HELQ: variants seen among roughly 807,000 people sequenced by gnomAD.
HELQ encodes helicase, POLQ like.
A neutral mutation model predicts 111.6 loss-of-function variants in HELQ; 77 were observed. That is an observed-to-expected ratio of 0.69 (90% confidence interval 0.57 to 0.83). The LOEUF (loss-of-function observed/expected upper bound fraction) is 0.83. HELQ is among the 40% of genes least tolerant of loss of function. The probability of loss-of-function intolerance (pLI) is 0.00; values close to 1 mark genes in which losing one functional copy is unlikely to be tolerated. For missense variants in HELQ, 1,200 were observed against 1,288.5 expected, an observed-to-expected ratio of 0.93 and a Z score of 1.05; for synonymous variants, 438 against 454.7, an observed-to-expected ratio of 0.96 and a Z score of 0.47.
chr4:83,412,678 T>C lies in HELQ; in HGVS notation c.3198+4053A>G, dbSNP rs1215468437. On this transcript the variant is annotated intron_variant, in intron 17 of 17. Coordinates refer to ENST00000295488, the MANE Select transcript of HELQ (RefSeq NM_133636.5). ...TTGTCTCTATTAAAAATTAAAAACA[T>C]TAGCCAGGCGTGGCACCTGTCTCTA... Among the ~76,000 whole-genome samples the C allele has an allele frequency of 3.3e-5, 5 of 152,102 alleles. No individual in the cohort carries two copies. The East Asian group carries it at 7.7e-4, about 24-fold the overall frequency.
At chr4:83,450,315 G>A (rs373185067) in intron 2 of HELQ, among the ~76,000 whole-genome samples, 90 of 139,244 alleles carry the variant, frequency 6.5e-4, no homozygotes, top group African/African-American at 2.3e-3. Flanking sequence ...GGGAGCCTAA[G>A]GCAAGAGGAT....
chr4:83,407,539 C>T lies in HELQ; in HGVS notation c.3220G>A (p.Glu1074Lys), dbSNP rs764308748. ...SAKMLLHEKA[E>K]ALQEEVEELL... Reference sequence around the variant, plus strand: ...TCTTCTACCTCTTCTTGCAGGGCTTCTGCTTTTTCATGCAACAGCATCTAC... The same window carrying T: ...TCTTCTACCTCTTCTTGCAGGGCTTTTGCTTTTTCATGCAACAGCATCTAC... The change falls in exon 18 of 18, where the codon GAA (glutamate) becomes AAA (lysine). Residue 1074 changes from glutamate to lysine, a missense_variant. By Grantham distance (56) the Glu-to-Lys change is moderately conservative. This residue lies in a region of HELQ where 585 missense variants were observed against 665.3 expected (regional missense o/e 0.88). Coordinates refer to ENST00000295488, the MANE Select transcript of HELQ (RefSeq NM_133636.5). The T allele has an allele frequency of 1.2e-6, 2 of 1,611,540 alleles. No individual in the cohort carries two copies. Among genetic ancestry groups the T allele is most frequent in the African/African-American group, 2.7e-5 (2 of 74,846 alleles).
At position 83,416,779 on chromosome 4, in the gene HELQ, A is replaced by G. The variant is rs1415400537; in HGVS notation, c.3150T>C (p.Ile1050=). ...NANPEVLVRT[I]DHLSRRQAKQ... is the part of the protein sequence containing the mutation. ...TGGCTTGGCGTCTTGATAAATGATCAATTGTCCTTACGAGCACTTCAGGAT... is the reference window on the plus strand; with the variant it reads ...TGGCTTGGCGTCTTGATAAATGATCGATTGTCCTTACGAGCACTTCAGGAT... Residue 1050 remains isoleucine (I), a synonymous_variant, in exon 17 of 18, where the codon ATT becomes ATC. Coordinates refer to ENST00000295488, the MANE Select transcript of HELQ (RefSeq NM_133636.5). The G allele has an allele frequency of 6.2e-7, 1 of 1,613,984 alleles. No individual in the cohort carries two copies. The highest frequency in any genetic ancestry group is 1.7e-5 in the Admixed American group (1 of 59,992).
At chr4:83,444,391 A>T (rs990415528) in intron 5 of HELQ, among the ~76,000 whole-genome samples, 13 of 151,928 alleles carry the variant, frequency 8.6e-5, no homozygotes, top group African/African-American at 1.9e-4. Context: ...TTATTTATTT[A>T]TTTTTTTGAG....
rs542282707 is a variant in HELQ, at chr4:83,432,034, ATAAT to A, written c.2190+88_2190+91del. Reference sequence around the variant, plus strand: ...AGAAAGCATCATTTAAAGAAAATTAATAATTAATTTTTAAAAGATGATTTCATAA... The same window carrying A: ...AGAAAGCATCATTTAAAGAAAATTAATAATTTTTAAAAGATGATTTCATAA... On this transcript the variant is annotated intron_variant, in intron 10 of 17. Coordinates refer to ENST00000295488, the MANE Select transcript of HELQ (RefSeq NM_133636.5). 3,656 of 765,662 alleles carry A rather than the reference ATAAT, an allele frequency of 4.8e-3. 19 individuals are homozygous for A. The highest frequency in any genetic ancestry group is 5.7e-3 in the Non-Finnish European group (2,927 of 514,232). 47.4% of individuals were successfully genotyped at this position (765,662 alleles called of 1,614,324 possible). A position where few individuals can be genotyped will look rare whatever the true frequency, so the allele number is the denominator to read the frequency against.
Position 83,447,029 on chromosome 4 carries a change from C to A in HELQ, c.1198G>T (p.Gly400Cys). ...YVAIVQEKIS[G>C]LSSFGIELGF... is the part of the protein sequence containing the mutation. Reference sequence around the variant, plus strand: ...AGTTCTATACCAAAACTTGACAAACCTGAAATCTAGAATATTAGTTAAAAT... The same window carrying A: ...AGTTCTATACCAAAACTTGACAAACATGAAATCTAGAATATTAGTTAAAAT... The change falls in exon 4 of 18, where the codon GGT becomes TGT. Residue 400 changes from glycine (G) to cysteine (C), a missense_variant. Gly to Cys is a radical substitution (Grantham distance 159). Transcript: ENST00000295488. The A allele has an allele frequency of 6.2e-7, 1 of 1,608,084 alleles. No individual in the cohort carries two copies. The highest frequency in any genetic ancestry group is 8.5e-7 in the Non-Finnish European group (1 of 1,175,094).
intron 3 of HELQ, 109 bp downstream of exon 3, chr4:83,448,669 CAAAAA>C: frequency 1.2e-5 from 8 of 672,664 alleles, no homozygotes; most frequent in Non-Finnish European, 1.3e-5. Context: ...GACTCCATCT[CAAAAA>C]AAAAAAAAAA....
intron 11 of HELQ, among the ~76,000 whole-genome samples, chr4:83,431,331 T>C (rs1465116175): frequency 7.0e-6 from 1 of 143,332 alleles, no homozygotes; most frequent in African/African-American, 2.7e-5. Flanking sequence ...TTCAGTGATC[T>C]TTTTTTTTTT....
intron 2 of HELQ, among the ~76,000 whole-genome samples, chr4:83,452,884 A>C (rs893239783): frequency 6.6e-6 from 1 of 152,200 alleles, no homozygotes; most frequent in Non-Finnish European, 1.5e-5. Context: ...CTACCAATAT[A>C]ATTATTGAAA....
At chr4:83,437,595 G>T (rs1248255149) in intron 8 of HELQ, among the ~76,000 whole-genome samples, 2 of 120,480 alleles carry the variant, frequency 1.7e-5, no homozygotes, top group Non-Finnish European at 3.3e-5. Flanking sequence ...AAAGAGCAAA[G>T]CCTTGTCTAA....
chr4:83,446,068 C>T lies in HELQ; in HGVS notation c.1411G>A (p.Gly471Arg). The T allele has an allele frequency of 6.2e-7, 1 of 1,613,234 alleles. No homozygotes were observed. The highest frequency in any genetic ancestry group is 8.5e-7 in the Non-Finnish European group (1 of 1,179,424). ...VVDELHMIGE[G>R]SRGATLEMTL... ...ATTTCCAGTGTAGCTCCACGGCTTC[C>T]TTCACCAATCATGTGCAACTTCGAG... The change falls in exon 5 of 18, where the codon GGA becomes AGA. Residue 471 changes from glycine to arginine, a missense_variant. This residue lies in a region of HELQ where 610 missense variants were observed against 607.1 expected (regional missense o/e 1.00). Transcript: ENST00000295488.
chr4:83,454,582 A>C (rs76504650), intron 1 of HELQ, among the ~76,000 whole-genome samples: 1 of 148,872 alleles, frequency 6.7e-6, no homozygotes, highest in South Asian at 2.1e-4. Context: ...GCTAATTAAG[A>C]AAAAAAAATT....
intron 17 of HELQ, among the ~76,000 whole-genome samples, chr4:83,413,164 G>T (rs1739190609): frequency 6.6e-6 from 1 of 152,182 alleles, no homozygotes; most frequent in African/African-American, 2.4e-5. Context: ...CTCTTCATCT[G>T]TATCTTTGTG....
At position 83,453,941 on chromosome 4, in the gene HELQ, T is replaced by C. The variant is rs753335332; in HGVS notation, c.302A>G (p.Asn101Ser). 1 of 1,588,490 alleles carries C rather than the reference T, an allele frequency of 6.3e-7. No homozygotes were observed. The highest frequency in any genetic ancestry group is 2.2e-5 in the East Asian group (1 of 44,722). ...PTDRGVGDQPNDSEVDMFGDY... is the reference protein window; with the variant it reads ...PTDRGVGDQPSDSEVDMFGDY... Reference sequence around the variant, plus strand: ...ACCAAACATGTCCACTTCACTGTCATTAGGCTGCAAAGAGAACAAAAACGC... The same window carrying C: ...ACCAAACATGTCCACTTCACTGTCACTAGGCTGCAAAGAGAACAAAAACGC... Residue 101 changes from asparagine (N) to serine (S), a missense_variant, in exon 2 of 18, where the codon AAT becomes AGT. By Grantham distance (46) the Asn-to-Ser change is conservative (BLOSUM62 1). Coordinates refer to ENST00000295488, the MANE Select transcript of HELQ (RefSeq NM_133636.5).
At chr4:83,415,521 G>A (rs1478678135) in intron 17 of HELQ, among the ~76,000 whole-genome samples, 2 of 152,170 alleles carry the variant, frequency 1.3e-5, no homozygotes, top group African/African-American at 4.8e-5. Context: ...GTGCTCAAAG[G>A]TGGAGAGACC....
intron 6 of HELQ, among the ~76,000 whole-genome samples, chr4:83,443,147 A>G (rs773136975): frequency 4.6e-5 from 7 of 152,084 alleles, no homozygotes; most frequent in Non-Finnish European, 1.0e-4. Context: ...TTAAATTTTA[A>G]GATATATTTT....
intron 15 of HELQ, 126 bp downstream of exon 15, chr4:83,421,437 C>A: frequency 1.5e-6 from 1 of 653,526 alleles, no homozygotes; most frequent in Non-Finnish European, 2.6e-6. Context: ...TTTTTTAGTG[C>A]TCTGTAATAA....
chr4:83,453,842 G>C lies in HELQ; in HGVS notation c.401C>G (p.Pro134Arg). The change falls in exon 2 of 18, where the codon CCT becomes CGT. Residue 134 changes from proline to arginine, a missense_variant. Pro to Arg is a moderately radical substitution (Grantham distance 103). Coordinates refer to ENST00000295488, the MANE Select transcript of HELQ (RefSeq NM_133636.5). The stretch of plus-strand genomic sequence containing the variant: ...GTCTGTAGCATGTTTCTTATGTTCA[G>C]GGAGTTGCATATATTTTTGTTCCAG... ...DDLEQKYMQL[P>R]EHKKHATDFA... 1 of 1,613,960 alleles carries C rather than the reference G, an allele frequency of 6.2e-7. No homozygotes were observed. Among genetic ancestry groups the C allele is most frequent in the Non-Finnish European group, 8.5e-7 (1 of 1,179,900 alleles).
At chr4:83,422,938 C>T (rs1288606941) in intron 14 of HELQ, among the ~76,000 whole-genome samples, 1 of 152,166 alleles carries the variant, frequency 6.6e-6, no homozygotes, top group Non-Finnish European at 1.5e-5. Context: ...ATGATTTCCA[C>T]ATGGTCCAAG....
Sources: allele counts gnomAD v4.1 joint callset (sites outside exome capture counted in the v4.1 genomes callset), GRCh38; gene constraint gnomAD v4.1.1; regional missense constraint gnomAD v4.1.1; transcripts MANE v1.5; gene names NCBI Gene and HGNC (gene_info 2026-07-23, HGNC 2026-07-21).